CMAS: variants seen among roughly 807,000 people sequenced by gnomAD.
CMAS encodes the protein N-acylneuraminate cytidylyltransferase.
In CMAS, 21 loss-of-function variants were observed where a neutral mutation model predicts 53.4. The observed-to-expected ratio is 0.39, with a 90% CI of 0.28 to 0.57. The LOEUF (loss-of-function observed/expected upper bound fraction) is 0.57. Among genes scored for constraint, CMAS ranks in the 20% least tolerant of loss-of-function variants. CMAS has a pLI of 0.56. For missense variants in CMAS, 384 were observed against 534.9 expected (o/e 0.72, Z 2.78); for synonymous variants, 189 against 195.2 (o/e 0.97, Z 0.27).
intron 4 of CMAS, among the ~76,000 whole-genome samples, chr12:22,060,066 CCT>C (rs1950298049): frequency 6.6e-6 from 1 of 151,776 alleles, no homozygotes; most frequent in African/African-American, 2.4e-5. Flanking sequence ...TTTTTCCTCC[CCT>C]GTGTTGCCTG....
chr12:22,048,481 A>G (rs931473062), intron 1 of CMAS, among the ~76,000 whole-genome samples: 5 of 152,164 alleles, frequency 3.3e-5, no homozygotes, highest in African/African-American at 1.2e-4. Flanking sequence ...CCATGTCCCT[A>G]GGATGATCTC....
intron 4 of CMAS, 35 bp from the exon 5 acceptor site, chr12:22,060,797 A>C (rs1950304264): frequency 8.4e-7 from 1 of 1,187,642 alleles, no homozygotes. Flanking sequence ...AATGAATATT[A>C]AAAACAGTAT....
chr12:22,054,726 T>G (rs1950256827), intron 1 of CMAS, among the ~76,000 whole-genome samples: 1 of 152,102 alleles, frequency 6.6e-6, no homozygotes, highest in Non-Finnish European at 1.5e-5. Context: ...TTCTAGTGCC[T>G]TTTTAAAAAC....
At position 22,049,687 on chromosome 12, in the gene CMAS, C is replaced by T. The variant is rs1006924781; in HGVS notation, c.260+3124C>T. On this transcript the variant is annotated intron_variant, in intron 1 of 7. Coordinates refer to ENST00000229329, the MANE Select transcript of CMAS (RefSeq NM_018686.6). Reference sequence around the variant, plus strand: ...AGCACTTTAGGAGGCCGAAGGCAGGCGGAGGCCAGGAGTTGAAGACCAGCC... The same window carrying T: ...AGCACTTTAGGAGGCCGAAGGCAGGTGGAGGCCAGGAGTTGAAGACCAGCC... 3.0e-4 allele frequency among the ~76,000 whole-genome samples: 46 copies of T among 152,208 alleles called. 1 individual carries two copies. Among genetic ancestry groups the T allele is most frequent in the Non-Finnish European group, 1.0e-4 (7 of 68,000 alleles).
chr12:22,047,836 C>T (rs993550976), intron 1 of CMAS, among the ~76,000 whole-genome samples: 1 of 152,180 alleles, frequency 6.6e-6, no homozygotes, highest in African/African-American at 2.4e-5. Flanking sequence ...GATATTTTTA[C>T]ATTCTTAGAA....
intron 7 of CMAS, chr12:22,064,003 T>TAA (rs199694916): frequency 3.9e-5 from 6 of 151,946 alleles, no homozygotes; most frequent in African/African-American, 1.5e-4. Context: ...ATATATTTCT[T>TAA]AAAAAAATCA....
chr12:22,055,134 T>A lies in CMAS; in HGVS notation c.261-15T>A. The A allele has an allele frequency of 6.4e-7, 1 of 1,557,964 alleles. No individual in the cohort carries two copies. The highest frequency in any genetic ancestry group is 8.7e-7 in the Non-Finnish European group (1 of 1,155,512). On this transcript the variant is annotated splice_polypyrimidine_tract_variant and intron_variant, in intron 1 of 7. Transcript: ENST00000229329. ...CTTTTGATTTGGCTGTTAATTTCTT[T>A]TGATATCTGAACAGTGTATGGGTTT...
intron 3 of CMAS, among the ~76,000 whole-genome samples, chr12:22,057,827 CTT>C (rs749650668): frequency 1.4e-4 from 19 of 139,908 alleles, no homozygotes; most frequent in Admixed American, 1.4e-4. Context: ...TAAAAAAGTT[CTT>C]TTTTTTTTTT....
intron 4 of CMAS, among the ~76,000 whole-genome samples, chr12:22,059,154 T>A (rs868621155): frequency 0.023 from 3,162 of 140,032 alleles, 34 homozygotes; most frequent in Non-Finnish European, 0.028. Context: ...ATATATTTTT[T>A]TTTTTTTTTA....
At chr12:22,059,675 A>G (rs906214116) in intron 4 of CMAS, among the ~76,000 whole-genome samples, 8 of 152,196 alleles carry the variant, frequency 5.3e-5, no homozygotes, top group African/African-American at 1.9e-4. Flanking sequence ...TAGGCAAACT[A>G]TAGACTAGCT....
chr12:22,063,435 T>G (rs867383189), intron 7 of CMAS, among the ~76,000 whole-genome samples: 5 of 152,186 alleles, frequency 3.3e-5, no homozygotes, highest in African/African-American at 9.7e-5. Flanking sequence ...ATTATCTTTC[T>G]TTGGGATGTT....
At chr12:22,059,285 G>T (rs1950292410) in intron 4 of CMAS, among the ~76,000 whole-genome samples, 1 of 151,472 alleles carries the variant, frequency 6.6e-6, no homozygotes, top group Non-Finnish European at 1.5e-5. Flanking sequence ...CCTGCAACAT[G>T]GTTGCATCAT....
At position 22,061,355 on chromosome 12, in the gene CMAS, A is replaced by G. The variant is rs375832734; in HGVS notation, c.863A>G (p.Asn288Ser). 7.8e-5 allele frequency: 126 copies of G among 1,610,632 alleles called. No individual in the cohort carries two copies. The highest frequency in any genetic ancestry group is 1.0e-4 in the Non-Finnish European group (120 of 1,177,576). ...LVCNIDGCLT[N>S]GHIYVSGDQK... Reference sequence around the variant, plus strand: ...TGCAATATTGATGGATGTCTCACCAATGGCCACATTTATGTATCAGGAGAC... The same window carrying G: ...TGCAATATTGATGGATGTCTCACCAGTGGCCACATTTATGTATCAGGAGAC... The change falls in exon 6 of 8, where the codon AAT becomes AGT. Residue 288 changes from asparagine (N) to serine (S), a missense_variant. Coordinates refer to ENST00000229329, the MANE Select transcript of CMAS (RefSeq NM_018686.6).
intron 6 of CMAS, 88 bp downstream of exon 6, chr12:22,061,540 AGT>A: frequency 2.3e-6 from 2 of 880,896 alleles, no homozygotes; most frequent in Non-Finnish European, 3.3e-6. Context: ...TTAAATTTTT[AGT>A]ATTAACTCTT....
At chr12:22,058,209 G>A (rs571202196) in intron 3 of CMAS, among the ~76,000 whole-genome samples, 44 of 151,084 alleles carry the variant, frequency 2.9e-4, no homozygotes, top group African/African-American at 8.5e-4. Context: ...GGCGGATCAC[G>A]AGGTCAGGAG....
chr12:22,056,258 C>T (rs939538363), intron 3 of CMAS, among the ~76,000 whole-genome samples: 3 of 152,094 alleles, frequency 2.0e-5, no homozygotes, highest in African/African-American at 7.2e-5. Context: ...ATTTGAAAGT[C>T]CTTGATTGCA....
rs1036424698 is a variant in CMAS, at chr12:22,046,460, G to C, written c.157G>C (p.Gly53Arg). Residue 53 changes from glycine (G) to arginine (R), a missense_variant, in exon 1 of 8, where the codon GGA becomes CGA. Coordinates refer to ENST00000229329, the MANE Select transcript of CMAS (RefSeq NM_018686.6). ...PHLAALILARGGSKGIPLKNI... is the reference protein window; with the variant it reads ...PHLAALILARRGSKGIPLKNI... ...CCTGGCAGCCCTAATTCTGGCCCGG[G>C]GAGGCAGCAAAGGCATCCCCCTGAA... The C allele has an allele frequency of 1.9e-6, 3 of 1,610,260 alleles. No homozygotes were observed. Among genetic ancestry groups the C allele is most frequent in the Admixed American group, 1.7e-5 (1 of 59,610 alleles).
intron 1 of CMAS, among the ~76,000 whole-genome samples, chr12:22,050,314 A>G (rs1291433637): frequency 2.0e-5 from 3 of 152,206 alleles, no homozygotes; most frequent in Non-Finnish European, 2.9e-5. Flanking sequence ...TTCATCTACA[A>G]AATGTACTGA....
intron 7 of CMAS, among the ~76,000 whole-genome samples, chr12:22,062,717 G>A (rs188257941): frequency 6.6e-6 from 1 of 152,148 alleles, no homozygotes; most frequent in African/African-American, 2.4e-5. Flanking sequence ...TTCCTCATCT[G>A]TAAACTGGAG....
Sources: allele counts gnomAD v4.1 joint callset (sites outside exome capture counted in the v4.1 genomes callset), GRCh38; gene constraint gnomAD v4.1.1; transcripts MANE v1.5; gene names NCBI Gene and HGNC (gene_info 2026-07-23, HGNC 2026-07-21).